DMRT1: variants seen among roughly 807,000 people sequenced by gnomAD.
The protein encoded by DMRT1 is doublesex and mab-3 related transcription factor 1.
DMRT1 carries 7 observed loss-of-function variants against 32.3 expected under a neutral mutation model. The ratio of observed to expected loss-of-function variants is 0.22; its 90% CI spans 0.12 to 0.41. The LOEUF is 0.41. DMRT1 is among the 10% of genes least tolerant of loss of function. DMRT1 has a pLI of 1.00. For missense variants in DMRT1, 625 were observed against 500.5 expected (o/e 1.25, Z -2.37); for synonymous variants, 278 against 206.1 (o/e 1.35, Z -2.99).
intron 2 of DMRT1, among the ~76,000 whole-genome samples, chr9:867,811 C>A (rs986594199): frequency 6.6e-6 from 1 of 152,072 alleles, no homozygotes; most frequent in African/African-American, 2.4e-5. Context: ...TCCAAGGCTC[C>A]CTTTGCTTTC....
At chr9:884,437 C>T (rs1375699213) in intron 2 of DMRT1, among the ~76,000 whole-genome samples, 1 of 150,284 alleles carries the variant, frequency 6.7e-6, no homozygotes, top group African/African-American at 2.4e-5. Context: ...AGAAAGTAAA[C>T]GGGTGTAGCC....
chr9:945,539 T>C (rs183349863), intron 4 of DMRT1, among the ~76,000 whole-genome samples: 14 of 152,360 alleles, frequency 9.2e-5, no homozygotes, highest in Non-Finnish European at 1.6e-4. Flanking sequence ...ATTTTTTGTA[T>C]TTTTATTCAT....
chr9:868,632 T>TCAACCTTTCA (rs1816096820), intron 2 of DMRT1, among the ~76,000 whole-genome samples: 1 of 152,228 alleles, frequency 6.6e-6, no homozygotes, highest in Admixed American at 6.5e-5. Flanking sequence ...CTTACAAGGT[T>TCAACCTTTCA]ATCGTAGGTA....
At chr9:879,646 G>A (rs1816651145) in intron 2 of DMRT1, among the ~76,000 whole-genome samples, 1 of 152,184 alleles carries the variant, frequency 6.6e-6, no homozygotes, top group Admixed American at 6.5e-5. Flanking sequence ...GATTAGTTGT[G>A]ATGTGGAAAC....
At chr9:930,882 A>G (rs1024326344) in intron 4 of DMRT1, among the ~76,000 whole-genome samples, 1 of 152,160 alleles carries the variant, frequency 6.6e-6, no homozygotes, top group Admixed American at 6.5e-5. Flanking sequence ...TATAACTCAT[A>G]TACCATAAAA....
chr9:859,968 A>C (rs1202366670), intron 2 of DMRT1, among the ~76,000 whole-genome samples: 1 of 152,214 alleles, frequency 6.6e-6, no homozygotes, highest in Admixed American at 6.5e-5. Flanking sequence ...GCCGTTAACT[A>C]CCCGTTAACT....
chr9:953,299 T>C (rs1819489717), intron 4 of DMRT1, among the ~76,000 whole-genome samples: 1 of 152,148 alleles, frequency 6.6e-6, no homozygotes, highest in Non-Finnish European at 1.5e-5. Flanking sequence ...AGTCTGTGTA[T>C]CTTTTTGGTC....
intron 2 of DMRT1, among the ~76,000 whole-genome samples, chr9:859,075 T>C (rs1312012556): frequency 6.6e-6 from 1 of 152,114 alleles, no homozygotes; most frequent in African/African-American, 2.4e-5. Context: ...CAGTCTCTTA[T>C]GCAAGCCCAG....
chr9:910,775 G>A (rs182726867), intron 3 of DMRT1, among the ~76,000 whole-genome samples: 13 of 152,182 alleles, frequency 8.5e-5, no homozygotes, highest in African/African-American at 3.1e-4. Flanking sequence ...CAGAGACTTT[G>A]GATGGGTAAT....
intron 2 of DMRT1, among the ~76,000 whole-genome samples, chr9:858,490 C>T (rs1479805686): frequency 6.6e-6 from 1 of 151,916 alleles, no homozygotes; most frequent in Non-Finnish European, 1.5e-5. Flanking sequence ...CTTTTGGAGT[C>T]TTGTGAATGC....
chr9:899,033 T>C (rs1245454691), intron 3 of DMRT1, among the ~76,000 whole-genome samples: 1 of 152,182 alleles, frequency 6.6e-6, no homozygotes, highest in South Asian at 2.1e-4. Context: ...GGGATTGTTT[T>C]CTTGATTTCT....
At chr9:929,553 T>G (rs569364526) in intron 4 of DMRT1, among the ~76,000 whole-genome samples, 1 of 152,210 alleles carries the variant, frequency 6.6e-6, no homozygotes, top group South Asian at 2.1e-4. Context: ...TCCTTCTGCT[T>G]GGGTGATACA....
At chr9:895,646 C>T (rs1158672198) in intron 3 of DMRT1, among the ~76,000 whole-genome samples, 3 of 152,134 alleles carry the variant, frequency 2.0e-5, no homozygotes, top group Non-Finnish European at 4.4e-5. Context: ...TTAACAAACA[C>T]ATTAATCACC....
intron 3 of DMRT1, among the ~76,000 whole-genome samples, chr9:911,564 C>T (rs1204362424): frequency 3.6e-5 from 5 of 139,310 alleles, no homozygotes; most frequent in African/African-American, 1.0e-4. Context: ...GCAATTTCAG[C>T]TCACTGCAAC....
intron 4 of DMRT1, among the ~76,000 whole-genome samples, chr9:942,610 T>C (rs758604124): frequency 1.3e-5 from 2 of 152,208 alleles, no homozygotes; most frequent in Non-Finnish European, 2.9e-5. Context: ...ATTGCAATGA[T>C]GATCTCTCAA....
At chr9:915,724 TG>T (rs950452527) in intron 3 of DMRT1, among the ~76,000 whole-genome samples, 4 of 152,116 alleles carry the variant, frequency 2.6e-5, no homozygotes, top group Non-Finnish European at 2.9e-5. Context: ...TTTATTTATT[TG>T]TTTTTTTTAA....
At chr9:946,461 C>G (rs528650595) in intron 4 of DMRT1, among the ~76,000 whole-genome samples, 1 of 152,206 alleles carries the variant, frequency 6.6e-6, no homozygotes, top group South Asian at 2.1e-4. Context: ...GTAACTGGAC[C>G]ATTTCATCCA....
At chr9:915,711 GTATT>G (rs1175948975) in intron 3 of DMRT1, among the ~76,000 whole-genome samples, 2 of 151,906 alleles carry the variant, frequency 1.3e-5, no homozygotes, top group Admixed American at 1.3e-4. Context: ...TTGTTTTACA[GTATT>G]TATTTATTTG....
At chr9:900,700 T>C (rs1049463586) in intron 3 of DMRT1, among the ~76,000 whole-genome samples, 4 of 151,980 alleles carry the variant, frequency 2.6e-5, no homozygotes, top group African/African-American at 9.7e-5. Flanking sequence ...TTTTTTTTTT[T>C]TGGAGACAGC....
Sources: gnomAD v4.1 joint callset for allele counts (sites outside exome capture counted in the v4.1 genomes callset) on GRCh38, gnomAD v4.1.1 for gene constraint, MANE v1.5 for transcripts, NCBI Gene and HGNC (gene_info 2026-07-23, HGNC 2026-07-21) for gene names.